ZFHX3: variants seen among roughly 807,000 people sequenced by gnomAD.
ZFHX3 encodes the protein zinc finger homeobox 3, also known as zinc finger homeobox protein 3.
Under a neutral mutation model 279.1 loss-of-function variants are expected in ZFHX3, and 42 were observed. That is an observed-to-expected ratio of 0.15 (90% confidence interval 0.12 to 0.19). The LOEUF (loss-of-function observed/expected upper bound fraction) is 0.19, where lower values mean the gene tolerates loss of function less well. Among genes scored for constraint, ZFHX3 ranks in the 10% least tolerant of loss-of-function variants. The pLI is 1.00. For synonymous variants in ZFHX3, 2,293 were observed against 1,957.8 expected (o/e 1.17, Z -4.52); for missense variants, 4,981 against 4,754.0 (o/e 1.05, Z -1.40).
At chr16:73,309,906 C>CATT in intron 4 of ZFHX3, among the ~76,000 whole-genome samples, 1 of 114,428 alleles carries the variant, frequency 8.7e-6, no homozygotes, top group Non-Finnish European at 1.8e-5. Context: ...TTTTTCTTGC[C>CATT]TTTTTTTTTT....
intron 2 of ZFHX3, among the ~76,000 whole-genome samples, chr16:73,490,545 A>T (rs1334780998): frequency 2.0e-5 from 3 of 152,224 alleles, no homozygotes; most frequent in Non-Finnish European, 4.4e-5. Flanking sequence ...TTTGCGTTAA[A>T]ACAATAAAAT....
At chr16:73,364,725 GA>G (rs1157339489) in intron 3 of ZFHX3, among the ~76,000 whole-genome samples, 1 of 152,152 alleles carries the variant, frequency 6.6e-6, no homozygotes, top group African/African-American at 2.4e-5. Flanking sequence ...CCATGGACTT[GA>G]ACTGTTGGCT....
intron 1 of ZFHX3, among the ~76,000 whole-genome samples, chr16:73,781,223 T>G (rs1959458580): frequency 6.6e-6 from 1 of 152,238 alleles, no homozygotes; most frequent in African/African-American, 2.4e-5. Context: ...ACGATGCTTT[T>G]TTCCGTGAGA....
intron 1 of ZFHX3, among the ~76,000 whole-genome samples, chr16:73,712,456 G>A (rs893240136): frequency 6.6e-6 from 1 of 152,306 alleles, no homozygotes; most frequent in South Asian, 2.1e-4. Flanking sequence ...GCAGGCTAAA[G>A]TTATCCTTCT....
chr16:73,575,445 G>A (rs190102621), intron 2 of ZFHX3, among the ~76,000 whole-genome samples: 22 of 152,280 alleles, frequency 1.4e-4, no homozygotes, highest in Admixed American at 1.2e-3. Flanking sequence ...CAGGGTCCAC[G>A]AGAACAGGTC....
At chr16:73,787,422 G>C (rs995679471) in intron 1 of ZFHX3, among the ~76,000 whole-genome samples, 4 of 152,176 alleles carry the variant, frequency 2.6e-5, no homozygotes, top group Non-Finnish European at 2.9e-5. Flanking sequence ...TTGGATGACT[G>C]AAGAAAACTG....
chr16:73,015,933 G>A (rs1964086709), intron 1 of ZFHX3: 2 of 152,200 alleles, frequency 1.3e-5, no homozygotes, highest in South Asian at 2.1e-4. Context: ...ACACCATACG[G>A]GCACTGGCCA....
chr16:73,747,113 G>C (rs766966604), intron 1 of ZFHX3, among the ~76,000 whole-genome samples: 3 of 152,198 alleles, frequency 2.0e-5, no homozygotes, highest in Non-Finnish European at 4.4e-5. Context: ...ACAGGGGTGA[G>C]TGCAAGGGCT....
At chr16:73,305,467 T>C (rs888284165) in intron 4 of ZFHX3, among the ~76,000 whole-genome samples, 4 of 152,074 alleles carry the variant, frequency 2.6e-5, no homozygotes, top group Non-Finnish European at 5.9e-5. Flanking sequence ...TGAGATGTTA[T>C]GGTCAGAAAG....
intron 1 of ZFHX3, among the ~76,000 whole-genome samples, chr16:73,887,655 T>TAA (rs199875769): frequency 8.6e-5 from 13 of 151,004 alleles, no homozygotes; most frequent in African/African-American, 3.2e-4. Context: ...ACCAAAAAAT[T>TAA]TAAAAAAAAT....
At position 72,797,314 on chromosome 16, in the gene ZFHX3, G is replaced by T; in HGVS notation, c.5368C>A (p.Leu1790Ile). Reference sequence around the variant, plus strand: ...AAGAGGAGGTGCTGCTGCTGCTGTAGTTGCAGCAGGGTCTCAGTTGTCATG... The same window carrying T: ...AAGAGGAGGTGCTGCTGCTGCTGTATTTGCAGCAGGGTCTCAGTTGTCATG... The part of the protein sequence containing the change: ...FPMTTETLLQ[L>I]QQQQHLLFPF... Residue 1790 changes from leucine to isoleucine, a missense_variant, in exon 9 of 10, where the codon CTA becomes ATA. Transcript: ENST00000268489. 6.2e-7 allele frequency: 1 copy of T among 1,605,246 alleles called. No homozygotes were observed. The highest frequency in any genetic ancestry group is 2.2e-5 in the East Asian group (1 of 44,746).
intron 2 of ZFHX3, among the ~76,000 whole-genome samples, chr16:73,622,708 C>T (rs2052375839): frequency 6.6e-6 from 1 of 152,212 alleles, no homozygotes; most frequent in Non-Finnish European, 1.5e-5. Context: ...TTCCCAGTGA[C>T]ACTCTGGTAT....
In ZFHX3 at chr16:73,156,839, G is replaced by C. The variant is rs561620345; in HGVS notation, c.-1103-13008C>G. 2.4e-3 allele frequency among the ~76,000 whole-genome samples: 361 copies of C among 152,056 alleles called. 1 individual carries two copies. Among genetic ancestry groups the C allele is most frequent in the African/African-American group, 8.4e-3 (348 of 41,490 alleles). On this transcript the variant is annotated intron_variant, in intron 5 of 17. Coordinates refer to the ZFHX3 transcript ENST00000641206. ...AGTGATTCTCCTGCCTTAGCCTCCC[G>C]AGTAGCTGGGATTACAGGCACGTGC...
intron 2 of ZFHX3, among the ~76,000 whole-genome samples, chr16:73,598,542 T>G (rs2052076966): frequency 6.6e-6 from 1 of 151,286 alleles, no homozygotes; most frequent in Admixed American, 6.6e-5. Flanking sequence ...CTCACCCTCC[T>G]GAGTAGCTAG....
At chr16:73,881,305 A>C (rs1011548168) in intron 1 of ZFHX3, among the ~76,000 whole-genome samples, 3 of 152,178 alleles carry the variant, frequency 2.0e-5, no homozygotes, top group African/African-American at 7.2e-5. Flanking sequence ...CTGTCACGAC[A>C]TGCAGGAGAA....
chr16:73,355,848 G>A (rs2016331691), intron 3 of ZFHX3, among the ~76,000 whole-genome samples: 1 of 152,118 alleles, frequency 6.6e-6, no homozygotes, highest in Admixed American at 6.5e-5. Flanking sequence ...AGGGCTTGAC[G>A]CATAGTAGGA....
chr16:73,713,603 C>A (rs756163915), intron 1 of ZFHX3, among the ~76,000 whole-genome samples: 41 of 151,802 alleles, frequency 2.7e-4, no homozygotes, highest in Non-Finnish European at 4.9e-4. Context: ...CAGCACTTTA[C>A]AGCCAGGCAC....
At chr16:73,282,743 G>C (rs952548083) in intron 4 of ZFHX3, among the ~76,000 whole-genome samples, 1 of 151,864 alleles carries the variant, frequency 6.6e-6, no homozygotes. Flanking sequence ...TTTTCTTCTT[G>C]TTTCATTGTT....
chr16:73,412,700 C>A (rs2017494903), intron 3 of ZFHX3, among the ~76,000 whole-genome samples: 1 of 152,188 alleles, frequency 6.6e-6, no homozygotes, highest in Admixed American at 6.5e-5. Context: ...CTTTTGTGGG[C>A]TGGCGGGAGA....
Sources: gnomAD v4.1 joint callset for allele counts (sites outside exome capture counted in the v4.1 genomes callset) on GRCh38, gnomAD v4.1.1 for gene constraint, MANE v1.5 for transcripts, NCBI Gene and HGNC (gene_info 2026-07-23, HGNC 2026-07-21) for gene names.